The following TAF5 variants were observed in gnomAD, a reference collection of about 807,000 sequenced individuals.
TAF5 encodes transcription initiation factor TFIID subunit 5.
TAF5 carries 20 observed loss-of-function variants against 80.9 expected under a neutral mutation model. The observed-to-expected ratio is 0.25, with a 90% confidence interval of 0.17 to 0.36. TAF5 has a LOEUF of 0.36. TAF5 is among the 10% of genes least tolerant of loss of function. The probability of loss-of-function intolerance (pLI) is 1.00; values close to 1 mark genes in which losing one functional copy is unlikely to be tolerated. For missense variants in TAF5, 863 were observed against 1,029.4 expected (o/e 0.84, Z 2.21); for synonymous variants, 388 against 406.4 (o/e 0.95, Z 0.55).
rs978368757 is a variant in TAF5, at chr10:103,368,140, G to A, written c.151G>A (p.Val51Ile). ...NNGPNGGGGNVAASSSTGGDG... is the reference protein window; with the variant it reads ...NNGPNGGGGNIAASSSTGGDG... ...CGGCCCCAACGGCGGCGGCGGGAAC[G>A]TTGCGGCGTCGTCGTCCACTGGCGG... The change falls in exon 1 of 11, where the codon GTT becomes ATT. Residue 51 changes from valine (V) to isoleucine (I), a missense_variant. By Grantham distance (29) the Val-to-Ile change is conservative. Transcript: ENST00000369839. 5 of 1,396,468 alleles carry A rather than the reference G, an allele frequency of 3.6e-6. No homozygotes were observed. The highest frequency in any genetic ancestry group is 3.0e-5 in the African/African-American group (2 of 65,848). 86.5% of individuals were successfully genotyped at this position (1,396,468 alleles called of 1,614,324 possible). A position where few individuals can be genotyped will look rare whatever the true frequency, so the allele number is the denominator to read the frequency against.
intron 6 of TAF5, among the ~76,000 whole-genome samples, 159 bp downstream of exon 6, chr10:103,382,000 G>C (rs1422113527): frequency 6.6e-6 from 1 of 152,184 alleles, no homozygotes; most frequent in Non-Finnish European, 1.5e-5. Context: ...AAGCTTTGGA[G>C]TGACTGGGGT....
At chr10:103,385,222 G>A (rs1166446153) in intron 7 of TAF5, 104 bp from the exon 8 acceptor site, 2 of 864,564 alleles carry the variant, frequency 2.3e-6, no homozygotes, top group African/African-American at 3.4e-5. Context: ...ATTTAATATA[G>A]TCAAATATAT....
Position 103,368,260 on chromosome 10 carries a change from C to T in TAF5, c.271C>T (p.Pro91Ser), listed in dbSNP as rs368928725. 5.9e-6 allele frequency: 9 copies of T among 1,538,340 alleles called. No individual in the cohort carries two copies. The African/African-American group carries it at 8.5e-5, about 14-fold the overall frequency. The change falls in exon 1 of 11, where the codon CCG (proline) becomes TCG (serine). Residue 91 changes from proline to serine, a missense_variant. By Grantham distance (74) the Pro-to-Ser change is moderately conservative. Coordinates refer to ENST00000369839, the MANE Select transcript of TAF5 (RefSeq NM_006951.5). ...CGCCGCTGCTCCGGACGCCGGCGCT[C>T]CGCATGACCGACAGACTCTACTGGC... ...VPAAAPDAGA[P>S]HDRQTLLAVL...
At chr10:103,380,658 A>C (rs1428512612) in intron 5 of TAF5, among the ~76,000 whole-genome samples, 2 of 150,564 alleles carry the variant, frequency 1.3e-5, no homozygotes, top group Admixed American at 1.3e-4. Flanking sequence ...GCTGTCACCT[A>C]GGGTGGAGTG....
At chr10:103,376,669 C>A (rs1481784650) in intron 2 of TAF5, among the ~76,000 whole-genome samples, 1 of 151,812 alleles carries the variant, frequency 6.6e-6, no homozygotes, top group African/African-American at 2.4e-5. Flanking sequence ...AACACTCCAT[C>A]CTTGGCAACA....
Position 103,388,336 on chromosome 10 carries a change from T to C in TAF5, c.*113T>C. 1 of 922,260 alleles carries C rather than the reference T, an allele frequency of 1.1e-6. No homozygotes were observed. The highest frequency in any genetic ancestry group is 1.6e-6 in the Non-Finnish European group (1 of 622,036). The allele number at this position is 922,260 out of a possible 1,614,324, so 57.1% of individuals were successfully genotyped here. A position where few individuals can be genotyped will look rare whatever the true frequency, so the allele number is the denominator to read the frequency against. On this transcript the variant is annotated 3_prime_UTR_variant, in exon 11 of 11. Transcript: ENST00000369839. ...CAGAGAATGTTTTTGTCTATATGGA[T>C]CTGGAAGTATGCTGCTTGGAAAAAT...
At chr10:103,375,554 G>T (rs1332178549) in intron 2 of TAF5, among the ~76,000 whole-genome samples, 2 of 152,174 alleles carry the variant, frequency 1.3e-5, no homozygotes, top group East Asian at 3.8e-4. Flanking sequence ...ATATATGAGA[G>T]CTCAGAACAG....
chr10:103,370,429 G>A (rs2093356850), intron 1 of TAF5, among the ~76,000 whole-genome samples: 1 of 145,904 alleles, frequency 6.9e-6, no homozygotes, highest in African/African-American at 2.5e-5. Flanking sequence ...AGGTTCAAGC[G>A]ATTCTCCTGC....
rs945042185 is a variant in TAF5 at position 103,378,920 on chromosome 10, A to G, written c.1113+370A>G. Among the ~76,000 whole-genome samples the G allele has an allele frequency of 6.6e-6, 1 of 152,152 alleles. No individual in the cohort carries two copies. The highest frequency in any genetic ancestry group is 1.5e-5 in the Non-Finnish European group (1 of 68,018). On this transcript the variant is annotated intron_variant, in intron 3 of 10. Coordinates refer to ENST00000369839, the MANE Select transcript of TAF5 (RefSeq NM_006951.5). This position sits in a 1 kb window ranked among gnomAD's most constrained non-coding sequence, Gnocchi z 4.1. ...GATGATCCACCCGACTCCGCCTCCC[A>G]AAGTGCTGGCATAACAGGCGTGAGC...
At chr10:103,385,925 C>CAAAAAAA (rs761128565) in intron 8 of TAF5, among the ~76,000 whole-genome samples, 2 of 41,202 alleles carry the variant, frequency 4.9e-5, no homozygotes, top group African/African-American at 2.5e-4. Flanking sequence ...GACTTCATCT[C>CAAAAAAA]AAAAAAAAAA....
chr10:103,368,451 G>C lies in TAF5; in HGVS notation c.462G>C (p.Ser154=), dbSNP rs1359960290. 6.3e-7 allele frequency: 1 copy of C among 1,581,322 alleles called. No individual in the cohort carries two copies. The highest frequency in any genetic ancestry group is 2.0e-4 in the Middle Eastern group (1 of 4,932). ...CGCTTCTCAGCCGGGTGACCGCCTC[G>C]GCCCCTGGCCCTGCGGCCCCCGACC... ...TSALLSRVTA[S]APGPAAPDPP... Residue 154 remains serine, a synonymous_variant, in exon 1 of 11, where the codon TCG becomes TCC. Transcript: ENST00000369839.
At chr10:103,383,519 T>G (rs2133635278) in intron 7 of TAF5, 152 bp downstream of exon 7, 1 of 740,188 alleles carries the variant, frequency 1.4e-6, no homozygotes, top group Admixed American at 3.9e-5. Flanking sequence ...TCTTGCCATT[T>G]GCTAATTCAT....
At chr10:103,381,975 T>G in intron 6 of TAF5, 134 bp downstream of exon 6, 1 of 1,287,276 alleles carries the variant, frequency 7.8e-7, no homozygotes, top group Non-Finnish European at 1.1e-6. Flanking sequence ...ATTCTAACAT[T>G]CCCAACAGTG....
At chr10:103,383,864 C>T (rs1221089577) in intron 7 of TAF5, among the ~76,000 whole-genome samples, 2 of 152,136 alleles carry the variant, frequency 1.3e-5, no homozygotes, top group African/African-American at 4.8e-5. Context: ...AGGCGTGAGC[C>T]ACTGTGCCTG....
At chr10:103,380,073 T>A (rs1465097775) in intron 5 of TAF5, 54 bp downstream of exon 5, 2 of 1,565,158 alleles carry the variant, frequency 1.3e-6, no homozygotes, top group African/African-American at 1.4e-5. Flanking sequence ...GGATGATGAT[T>A]TACCATTAAG....
Position 103,378,940 on chromosome 10 carries a change from G to A in TAF5, c.1113+390G>A, listed in dbSNP as rs188356724. Among the ~76,000 whole-genome samples, 28 of 152,280 alleles carry A rather than the reference G, an allele frequency of 1.8e-4. No individual in the cohort carries two copies. The highest frequency in any genetic ancestry group is 1.4e-3 in the Admixed American group (21 of 15,298). On this transcript the variant is annotated intron_variant, in intron 3 of 10. Transcript: ENST00000369839. This position sits in a 1 kb window ranked among gnomAD's most constrained non-coding sequence, Gnocchi z 4.1. ...CTCCCAAAGTGCTGGCATAACAGGC[G>A]TGAGCTACTGCGCCTGGCCGCTTGG...
At position 103,374,863 on chromosome 10, in the gene TAF5, C is replaced by T. The variant is rs1394319866; in HGVS notation, c.797+1268C>T. ...AGAGGTGGCCCGGCGCTGCGGCTCA[C>T]GCCTTTAATCCCAGCACTTTGGGAG... On this transcript the variant is annotated intron_variant, in intron 2 of 10. Transcript: ENST00000369839. This position sits in a 1 kb window ranked among gnomAD's most constrained non-coding sequence, Gnocchi z 4.3. 6.6e-6 allele frequency among the ~76,000 whole-genome samples: 1 copy of T among 152,102 alleles called. No individual in the cohort carries two copies. Among genetic ancestry groups the T allele is most frequent in the East Asian group, 1.9e-4 (1 of 5,180 alleles).
intron 1 of TAF5, among the ~76,000 whole-genome samples, chr10:103,371,386 G>C (rs1358745911): frequency 6.6e-6 from 1 of 152,154 alleles, no homozygotes; most frequent in Non-Finnish European, 1.5e-5. Flanking sequence ...TCATAACTGA[G>C]AAATCAGTAA....
rs144175333 is a variant in TAF5 at position 103,374,902 on chromosome 10, G to A, written c.797+1307G>A. On this transcript the variant is annotated intron_variant, in intron 2 of 10. Coordinates refer to ENST00000369839, the MANE Select transcript of TAF5 (RefSeq NM_006951.5). This position sits in a 1 kb window ranked among gnomAD's most constrained non-coding sequence, Gnocchi z 4.3. Reference sequence around the variant, plus strand: ...GCACTTTGGGAGGCTGAGGCGGGTGGATCACTTTGACCTCAGGAGTTTGAG... The same window carrying A: ...GCACTTTGGGAGGCTGAGGCGGGTGAATCACTTTGACCTCAGGAGTTTGAG... Among the ~76,000 whole-genome samples the A allele has an allele frequency of 5.0e-3, 759 of 152,130 alleles. 26 individuals carry two copies. Among genetic ancestry groups the A allele is most frequent in the Admixed American group, 0.04 (616 of 15,264 alleles).
Sources: gnomAD v4.1 joint callset for allele counts (sites outside exome capture counted in the v4.1 genomes callset) on GRCh38, gnomAD v4.1.1 for gene constraint, Gnocchi (gnomAD v3.1) non-coding constraint, MANE v1.5 for transcripts, NCBI Gene and HGNC (gene_info 2026-07-23, HGNC 2026-07-21) for gene names.